Variants in ARGLU1 observed in about 807,000 individuals in gnomAD.
The protein encoded by ARGLU1 is arginine and glutamate-rich protein 1.
A neutral mutation model predicts 37.6 loss-of-function variants in ARGLU1; 9 were observed. The ratio of observed to expected loss-of-function variants is 0.24; its 90% confidence interval spans 0.14 to 0.42. ARGLU1 has a LOEUF of 0.42. Among genes scored for constraint, ARGLU1 ranks in the 10% least tolerant of loss-of-function variants. The probability of loss-of-function intolerance (pLI) is 1.00; values close to 1 mark genes in which losing one functional copy is unlikely to be tolerated. For missense variants in ARGLU1, 211 were observed against 359.2 expected (o/e 0.59, Z 3.34); for synonymous variants, 166 against 138.5 (o/e 1.20, Z -1.39).
At position 106,567,668 on chromosome 13, in the gene ARGLU1, G is replaced by C. The variant is rs369104883; in HGVS notation, c.252C>G (p.Ile84Met). ...TGCGCTTGCTCACCGTGCGCCCGAAGATGTCGATGCGGTCGGGCGGGGACG... is the reference window on the plus strand; with the variant it reads ...TGCGCTTGCTCACCGTGCGCCCGAACATGTCGATGCGGTCGGGCGGGGACG... ...RASSPPDRID[I>M]FGRTVSKRSS... Residue 84 changes from isoleucine (I) to methionine (M), a missense_variant, in exon 1 of 4, where the codon ATC becomes ATG. Coordinates refer to ENST00000400198, the MANE Select transcript of ARGLU1 (RefSeq NM_018011.4). The surrounding 1 kb of genome is among the most constrained non-coding windows in gnomAD (Gnocchi z 4.3). 3 of 1,613,448 alleles carry C rather than the reference G, an allele frequency of 1.9e-6. No homozygotes were observed. The highest frequency in any genetic ancestry group is 1.7e-5 in the Admixed American group (1 of 59,988).
intron 2 of ARGLU1, chr13:106,558,430 A>G (rs748745018): frequency 1.5e-5 from 15 of 985,460 alleles, no homozygotes; most frequent in Non-Finnish European, 1.8e-5. Context: ...AATGACAATG[A>G]GTCTTAATTA....
In ARGLU1 at chr13:106,557,640, G is replaced by A. The variant is rs1258707609; in HGVS notation, c.574-509C>T. 2.5e-6 allele frequency: 4 copies of A among 1,587,822 alleles called. No homozygotes were observed. The highest frequency in any genetic ancestry group is 3.4e-6 in the Non-Finnish European group (4 of 1,166,464). ...CTCTTTAAAATGATTTGTACTGTTA[G>A]CTTGGCAATACCTGCATCAGCAGCT... On this transcript the variant is annotated intron_variant, in intron 2 of 3. Coordinates refer to ENST00000400198, the MANE Select transcript of ARGLU1 (RefSeq NM_018011.4). This position sits in a 1 kb window ranked among gnomAD's most constrained non-coding sequence, Gnocchi z 5.0.
In ARGLU1 at chr13:106,567,852, T is replaced by C. The variant is rs772225897; in HGVS notation, c.68A>G (p.Lys23Arg). 1.9e-6 allele frequency: 3 copies of C among 1,613,330 alleles called. No individual in the cohort carries two copies. In the Admixed American group the frequency reaches 5.0e-5, roughly 27 times the overall value. Residue 23 changes from lysine to arginine, a missense_variant, in exon 1 of 4, where the codon AAG (lysine) becomes AGG (arginine). Physicochemically the swap from Lys to Arg is conservative, Grantham distance 26 (BLOSUM62 2). This residue lies in a region of ARGLU1 where 130 missense variants were observed against 179.8 expected (regional missense o/e 0.72). Coordinates refer to ENST00000400198, the MANE Select transcript of ARGLU1 (RefSeq NM_018011.4). The surrounding 1 kb of genome is among the most constrained non-coding windows in gnomAD (Gnocchi z 4.3). ...KHTKSSKHNK[K>R]RSRSRSRSRD... ...GGATCGCGACCGGGACCGGCTGCGC[T>C]TCTTGTTGTGCTTGCTGCTCTTGGT... is the stretch of plus-strand genomic sequence containing the variant.
chr13:106,554,180 T>C (rs988908736), intron 3 of ARGLU1, among the ~76,000 whole-genome samples: 3 of 152,230 alleles, frequency 2.0e-5, no homozygotes, highest in African/African-American at 7.2e-5. Context: ...TAACTTTTTT[T>C]GGAGTTGTCT....
chr13:106,553,472 A>G (rs1880584951), intron 3 of ARGLU1, among the ~76,000 whole-genome samples: 1 of 152,242 alleles, frequency 6.6e-6, no homozygotes, highest in Non-Finnish European at 1.5e-5. Flanking sequence ...TCTTAGACAC[A>G]GAATTAAAGT....
chr13:106,563,655 T>C (rs1337926276), intron 1 of ARGLU1, among the ~76,000 whole-genome samples: 1 of 152,132 alleles, frequency 6.6e-6, no homozygotes, highest in Non-Finnish European at 1.5e-5. Flanking sequence ...AATAAATAAA[T>C]AAATGAATAC....
chr13:106,542,828 A>G lies in ARGLU1; in HGVS notation c.*1168T>C, dbSNP rs1880295498. 6.6e-6 allele frequency: 1 copy of G among 151,846 alleles called. No individual in the cohort carries two copies. The highest frequency in any genetic ancestry group is 1.5e-5 in the Non-Finnish European group (1 of 67,894). 9.4% of individuals were successfully genotyped at this position (151,846 alleles called of 1,614,324 possible). A position where few individuals can be genotyped will look rare whatever the true frequency, so the allele number is the denominator to read the frequency against. ...CCATTCATAAGATTTCACATGCAAA[A>G]AAAAAAAAAAAATTCATAAAGTTCA... is the stretch of plus-strand genomic sequence containing the variant. On this transcript the variant is annotated 3_prime_UTR_variant, in exon 4 of 4. Transcript: ENST00000400198.
In ARGLU1 at chr13:106,567,629, C is replaced by G; in HGVS notation, c.291G>C (p.Glu97Asp). 6.2e-7 allele frequency: 1 copy of G among 1,613,614 alleles called. No individual in the cohort carries two copies. The highest frequency in any genetic ancestry group is 8.5e-7 in the Non-Finnish European group (1 of 1,179,706). Residue 97 changes from glutamate to aspartate, a missense_variant, in exon 1 of 4, where the codon GAG becomes GAC. Physicochemically the swap from Glu to Asp is conservative, Grantham distance 45 (BLOSUM62 2). This residue lies in a region of ARGLU1 where 130 missense variants were observed against 179.8 expected (regional missense o/e 0.72). Transcript: ENST00000400198. This position sits in a 1 kb window ranked among gnomAD's most constrained non-coding sequence, Gnocchi z 4.3. ...TCTCCTCCTCCTCTCGCTTCTGCTTCTCGTCCAGGCTGCTGCGCTTGCTCA... is the reference window on the plus strand; with the variant it reads ...TCTCCTCCTCCTCTCGCTTCTGCTTGTCGTCCAGGCTGCTGCGCTTGCTCA... ...RTVSKRSSLD[E>D]KQKREEEEKK...
At chr13:106,544,299 TC>T in intron 3 of ARGLU1, 139 bp from the exon 4 acceptor site, 1 of 606,244 alleles carries the variant, frequency 1.6e-6, no homozygotes, top group Non-Finnish European at 2.6e-6. Flanking sequence ...AACAAGGACT[TC>T]CTATGAATTA....
intron 3 of ARGLU1, among the ~76,000 whole-genome samples, chr13:106,547,807 T>C (rs892033388): frequency 6.6e-6 from 1 of 152,104 alleles, no homozygotes; most frequent in African/African-American, 2.4e-5. Flanking sequence ...CTTCACTGTT[T>C]CTCTTCCTAA....
At chr13:106,554,581 A>T (rs1042245714) in intron 3 of ARGLU1, among the ~76,000 whole-genome samples, 14 of 152,326 alleles carry the variant, frequency 9.2e-5, no homozygotes, top group African/African-American at 3.1e-4. Context: ...GACTACCAAC[A>T]GAACCAAATA....
At chr13:106,558,423 G>A in intron 2 of ARGLU1, 1 of 985,370 alleles carries the variant, frequency 1.0e-6, no homozygotes. Flanking sequence ...GATGAAAAAT[G>A]ACAATGAGTC....
At chr13:106,561,463 T>A (rs914798159) in intron 1 of ARGLU1, among the ~76,000 whole-genome samples, 1 of 145,250 alleles carries the variant, frequency 6.9e-6, no homozygotes, top group Non-Finnish European at 1.5e-5. Flanking sequence ...ACACACACAC[T>A]TTTGCTAGTT....
At position 106,557,113 on chromosome 13, in the gene ARGLU1, G is replaced by A. The variant is rs1461351137; in HGVS notation, c.592C>T (p.Arg198Cys). Residue 198 changes from arginine to cysteine, a missense_variant, in exon 3 of 4, where the codon CGT becomes TGT. This residue lies in a region of ARGLU1 where 80 missense variants were observed against 158.4 expected (regional missense o/e 0.51). Coordinates refer to ENST00000400198, the MANE Select transcript of ARGLU1 (RefSeq NM_018011.4). The surrounding 1 kb of genome is among the most constrained non-coding windows in gnomAD (Gnocchi z 5.0). ...TCCAGTATTCGCTCTAGCTCCTCAC[G>A]TTTTGCACGTTCTTCCTCCTAAAGG... ...KAREEEERAK[R>C]EELERILEEN... The A allele has an allele frequency of 3.7e-6, 6 of 1,613,590 alleles. No individual in the cohort carries two copies. The highest frequency in any genetic ancestry group is 2.2e-5 in the East Asian group (1 of 44,848).
intron 1 of ARGLU1, among the ~76,000 whole-genome samples, chr13:106,565,708 AT>A (rs1431180366): frequency 6.6e-6 from 1 of 152,204 alleles, no homozygotes; most frequent in African/African-American, 2.4e-5. Context: ...ATTAGAATAT[AT>A]TAAATAAAAT....
chr13:106,547,721 T>A lies in ARGLU1; in HGVS notation c.658-3561A>T, dbSNP rs973702482. On this transcript the variant is annotated intron_variant, in intron 3 of 3. Coordinates refer to ENST00000400198, the MANE Select transcript of ARGLU1 (RefSeq NM_018011.4). ...TTTTACAGACATTCTGAAAAGATTT[T>A]AAAAACCCGTAACTGAGTACACTTT... 1.2e-4 allele frequency among the ~76,000 whole-genome samples: 19 copies of A among 152,162 alleles called. 1 individual carries two copies. The highest frequency in any genetic ancestry group is 1.8e-4 in the Non-Finnish European group (12 of 68,024).
intron 3 of ARGLU1, among the ~76,000 whole-genome samples, chr13:106,551,402 A>T (rs1880527411): frequency 6.6e-6 from 1 of 152,112 alleles, no homozygotes; most frequent in Non-Finnish European, 1.5e-5. Flanking sequence ...TATAGAAAGG[A>T]TCTCTTTCCC....
At chr13:106,550,829 C>G (rs1215807077) in intron 3 of ARGLU1, among the ~76,000 whole-genome samples, 1 of 152,220 alleles carries the variant, frequency 6.6e-6, no homozygotes, top group Non-Finnish European at 1.5e-5. Flanking sequence ...CCTCAAATCT[C>G]TGTGTTTGTT....
rs181305383 is a variant in ARGLU1, at chr13:106,554,927, C to T, written c.657+2121G>A. 2.7e-3 allele frequency among the ~76,000 whole-genome samples: 413 copies of T among 151,972 alleles called. 1 individual carries two copies. Among genetic ancestry groups the T allele is most frequent in the Non-Finnish European group, 3.9e-3 (265 of 67,944 alleles). Reference sequence around the variant, plus strand: ...AAATTTCTCCAGTATCAATTTACTACGCTCCCAACTTTATTGAACACTATA... The same window carrying T: ...AAATTTCTCCAGTATCAATTTACTATGCTCCCAACTTTATTGAACACTATA... On this transcript the variant is annotated intron_variant, in intron 3 of 3. Transcript: ENST00000400198.
Sources: allele counts gnomAD v4.1 joint callset (sites outside exome capture counted in the v4.1 genomes callset), GRCh38; gene constraint gnomAD v4.1.1; regional missense constraint gnomAD v4.1.1; non-coding constraint Gnocchi (gnomAD v3.1); transcripts MANE v1.5; gene names NCBI Gene and HGNC (gene_info 2026-07-23, HGNC 2026-07-21).